Variants in SLC2A3 observed in about 807,000 individuals in gnomAD.
The protein encoded by SLC2A3 is solute carrier family 2, facilitated glucose transporter member 3.
Under a neutral mutation model 46.4 loss-of-function variants are expected in SLC2A3, and 21 were observed. The observed-to-expected ratio is 0.45, with a 90% CI of 0.32 to 0.65. The LOEUF (loss-of-function observed/expected upper bound fraction) is 0.65. Ranked by LOEUF, SLC2A3 falls within the 30% of genes least tolerant of loss-of-function variation. The pLI is 0.04. For synonymous variants in SLC2A3, 213 were observed against 239.4 expected, an observed-to-expected ratio of 0.89 and a Z score of 1.02; for missense variants, 499 against 623.3, an observed-to-expected ratio of 0.80 and a Z score of 2.12.
intron 6 of SLC2A3, among the ~76,000 whole-genome samples, chr12:7,927,425 T>C (rs2121189187): frequency 6.6e-6 from 1 of 152,228 alleles, no homozygotes; most frequent in East Asian, 1.9e-4. Context: ...AAATTTCTCA[T>C]AGTAAAATGA....
In SLC2A3 at chr12:7,920,177, T is replaced by G. The variant is rs1226098245; in HGVS notation, c.*1236A>C. On this transcript the variant is annotated 3_prime_UTR_variant, in exon 10 of 10. Transcript: ENST00000075120. ...ACAAATTCCAAGTTTGCTATAAACA[T>G]TCTTTGGGGAATTCCTTTAAAGGTA... is the stretch of plus-strand genomic sequence containing the variant. 6.6e-6 allele frequency: 1 copy of G among 152,630 alleles called. No individual in the cohort carries two copies. 9.5% of individuals were successfully genotyped at this position (152,630 alleles called of 1,614,324 possible). A position where few individuals can be genotyped will look rare whatever the true frequency, so the allele number is the denominator to read the frequency against.
chr12:7,935,989 CA>C, intron 1 of SLC2A3, 30 bp downstream of exon 1: 1 of 1,569,758 alleles, frequency 6.4e-7, no homozygotes, highest in Non-Finnish European at 8.8e-7. Flanking sequence ...CCCAAACAAG[CA>C]AAAATAACCA....
intron 3 of SLC2A3, 95 bp downstream of exon 3, chr12:7,932,892 T>C: frequency 6.6e-7 from 1 of 1,525,590 alleles, no homozygotes; most frequent in Non-Finnish European, 8.9e-7. Context: ...GGTGTTCTTA[T>C]TCAAAGGCAT....
intron 8 of SLC2A3, 181 bp from the exon 9 acceptor site, chr12:7,923,205 G>T: frequency 1.6e-6 from 1 of 643,762 alleles, no homozygotes; most frequent in South Asian, 2.2e-5. Context: ...GTCTTACTCT[G>T]TTGCCCATGC....
At chr12:7,933,414 C>G (rs151107878) in intron 2 of SLC2A3, 202 of 541,750 alleles carry the variant, frequency 3.7e-4, no homozygotes, top group Middle Eastern at 1.5e-3. Context: ...TAACTAACCC[C>G]TAAGGGATAA....
chr12:7,931,241 G>A lies in SLC2A3; in HGVS notation c.510+4C>T. Reference sequence around the variant, plus strand: ...CTCATTAAGTATGAGAAGTTCTAGAGTACCTGGGCCACCAGAATTCCAACA... The same window carrying A: ...CTCATTAAGTATGAGAAGTTCTAGAATACCTGGGCCACCAGAATTCCAACA... On this transcript the variant is annotated splice_donor_region_variant and intron_variant, in intron 4 of 9. Transcript: ENST00000075120. The A allele has an allele frequency of 3.1e-6, 5 of 1,614,116 alleles. No individual in the cohort carries two copies. Among genetic ancestry groups the A allele is most frequent in the Non-Finnish European group, 4.2e-6 (5 of 1,180,006 alleles).
At chr12:7,930,416 A>G in intron 5 of SLC2A3, 64 bp downstream of exon 5, 1 of 1,491,120 alleles carries the variant, frequency 6.7e-7, no homozygotes, top group South Asian at 1.2e-5. Flanking sequence ...TAGGTCCAGT[A>G]CAATCATCCC....
intron 9 of SLC2A3, among the ~76,000 whole-genome samples, chr12:7,922,026 ATT>A (rs201816919): frequency 1.4e-5 from 2 of 147,320 alleles, no homozygotes; most frequent in African/African-American, 4.9e-5. Context: ...CTATTTATGA[ATT>A]TTTTTTTTTT....
chr12:7,926,426 A>G (rs1280933916), intron 6 of SLC2A3, among the ~76,000 whole-genome samples: 1 of 152,090 alleles, frequency 6.6e-6, no homozygotes, highest in African/African-American at 2.4e-5. Context: ...AATTCTAGCT[A>G]CTCATTTACA....
At chr12:7,921,824 A>G (rs1258263841) in intron 9 of SLC2A3, among the ~76,000 whole-genome samples, 193 bp from the exon 10 acceptor site, 1 of 152,076 alleles carries the variant, frequency 6.6e-6, no homozygotes, top group Non-Finnish European at 1.5e-5. Flanking sequence ...TCTTTCTGTC[A>G]TTCCATTTCA....
intron 1 of SLC2A3, among the ~76,000 whole-genome samples, chr12:7,934,146 T>TA (rs1185288713): frequency 6.6e-6 from 1 of 151,986 alleles, no homozygotes; most frequent in Non-Finnish European, 1.5e-5. Flanking sequence ...AGGAAGAAGT[T>TA]AAGAGAAACT....
chr12:7,932,211 G>A (rs193009005), intron 3 of SLC2A3, among the ~76,000 whole-genome samples: 60 of 149,414 alleles, frequency 4.0e-4, no homozygotes, highest in Admixed American at 2.9e-3. Context: ...TTGCTCTTTC[G>A]CCCAGGCTGG....
rs1438111185 is a variant in SLC2A3 at position 7,922,053 on chromosome 12, GCT to G, written c.1273-424_1273-423del. 3.0e-4 allele frequency among the ~76,000 whole-genome samples: 46 copies of G among 151,392 alleles called. 1 individual carries two copies. The highest frequency in any genetic ancestry group is 1.0e-3 in the African/African-American group (43 of 41,248). ...TTTTTTTTTTTTGAGACGGAATCTC[GCT>G]CTGTCACCCAGGCTGGAGAGCAGAA... On this transcript the variant is annotated intron_variant, in intron 9 of 9. Transcript: ENST00000075120.
intron 6 of SLC2A3, 122 bp from the exon 7 acceptor site, chr12:7,926,070 A>T: frequency 1.3e-6 from 1 of 750,684 alleles, no homozygotes; most frequent in Non-Finnish European, 2.3e-6. Context: ...TTCGTTCAAT[A>T]CTAATATCCC....
chr12:7,922,377 T>C (rs1037378296), intron 9 of SLC2A3, among the ~76,000 whole-genome samples: 1 of 152,114 alleles, frequency 6.6e-6, no homozygotes, highest in African/African-American at 2.4e-5. Context: ...AAATTAAACT[T>C]TATGAATTAT....
chr12:7,934,030 G>A (rs1946187655), intron 1 of SLC2A3, 128 bp from the exon 2 acceptor site: 1 of 804,676 alleles, frequency 1.2e-6, no homozygotes, highest in Non-Finnish European at 2.0e-6. Context: ...CATCCAATGA[G>A]ATTTAGGTAA....
At chr12:7,926,066 C>T in intron 6 of SLC2A3, 118 bp from the exon 7 acceptor site, 1 of 784,822 alleles carries the variant, frequency 1.3e-6, no homozygotes, top group South Asian at 1.5e-5. Context: ...GGTTTTCGTT[C>T]AATACTAATA....
At chr12:7,935,869 C>T (rs1311283845) in intron 1 of SLC2A3, 151 bp downstream of exon 1, 6 of 717,188 alleles carry the variant, frequency 8.4e-6, no homozygotes, top group Middle Eastern at 2.4e-4. Context: ...ACTGATGAAG[C>T]GGCAGCAGTG....
At chr12:7,927,737 G>A (rs1946110119) in intron 6 of SLC2A3, among the ~76,000 whole-genome samples, 3 of 151,922 alleles carry the variant, frequency 2.0e-5, no homozygotes, top group Admixed American at 1.3e-4. Context: ...TATACCTAGC[G>A]CAAAATCTAC....
Sources: gnomAD v4.1 joint callset for allele counts (sites outside exome capture counted in the v4.1 genomes callset) on GRCh38, gnomAD v4.1.1 for gene constraint, MANE v1.5 for transcripts, NCBI Gene and HGNC (gene_info 2026-07-23, HGNC 2026-07-21) for gene names.